Variants in PRKN observed in about 807,000 individuals in gnomAD.
PRKN encodes the protein E3 ubiquitin-protein ligase parkin.
In PRKN, 56 loss-of-function variants were observed where a neutral mutation model predicts 59.5. That is an observed-to-expected ratio of 0.94 (90% confidence interval 0.76 to 1.18). The LOEUF (loss-of-function observed/expected upper bound fraction) is 1.18. PRKN is among the 50% of genes most tolerant of loss of function. The probability of loss-of-function intolerance (pLI) is 0.00; values close to 1 mark genes in which losing one functional copy is unlikely to be tolerated. For missense variants in PRKN, 657 were observed against 596.4 expected (o/e 1.10, Z -1.06); for synonymous variants, 250 against 222.1 (o/e 1.13, Z -1.12).
intron 6 of PRKN, among the ~76,000 whole-genome samples, chr6:161,842,205 A>G (rs933166928): frequency 2.2e-4 from 34 of 152,166 alleles, no homozygotes; most frequent in African/African-American, 7.0e-4. Context: ...CAAATTAAAA[A>G]TAAGAGCCAT....
At chr6:161,587,758 C>T in intron 7 of PRKN, among the ~76,000 whole-genome samples, 1 of 152,226 alleles carries the variant, frequency 6.6e-6, no homozygotes, top group South Asian at 2.1e-4. Flanking sequence ...AAGCAATATA[C>T]ACCGAACCCA....
chr6:161,593,058 G>A lies in PRKN; in HGVS notation c.872-23642C>T, dbSNP rs1230122271. On this transcript the variant is annotated intron_variant, in intron 7 of 11. Coordinates refer to ENST00000366898, the MANE Select transcript of PRKN (RefSeq NM_004562.3). The surrounding 1 kb of genome is among the most constrained non-coding windows in gnomAD (Gnocchi z 4.8). ...GACTGCACAGAGCGTCCTCAGATGCGCTGCACCCCACGTCCGCTGCTGTTA... is the reference window on the plus strand; with the variant it reads ...GACTGCACAGAGCGTCCTCAGATGCACTGCACCCCACGTCCGCTGCTGTTA... 3.9e-5 allele frequency among the ~76,000 whole-genome samples: 6 copies of A among 152,164 alleles called. No homozygotes were observed. The highest frequency in any genetic ancestry group is 5.9e-5 in the Non-Finnish European group (4 of 68,032).
chr6:162,567,365 A>G (rs1780127333), intron 1 of PRKN, among the ~76,000 whole-genome samples: 1 of 152,222 alleles, frequency 6.6e-6, no homozygotes, highest in African/African-American at 2.4e-5. Flanking sequence ...TTATATTTGG[A>G]AAAACCTTAA....
In PRKN at chr6:161,759,961, C is replaced by T. The variant is rs142169675; in HGVS notation, c.871+25811G>A. 4.7e-3 allele frequency among the ~76,000 whole-genome samples: 714 copies of T among 151,918 alleles called. 8 individuals carry two copies. The highest frequency in any genetic ancestry group is 0.016 in the African/African-American group (647 of 41,408). On this transcript the variant is annotated intron_variant, in intron 7 of 11. Transcript: ENST00000366898. ...GAAGGATGTTTATACTTTCAGTGAACGAGGCATAGCAGCCTAAATGCAACC... is the reference window on the plus strand; with the variant it reads ...GAAGGATGTTTATACTTTCAGTGAATGAGGCATAGCAGCCTAAATGCAACC...
At chr6:162,428,283 C>T (rs1359702220) in intron 2 of PRKN, among the ~76,000 whole-genome samples, 1 of 152,144 alleles carries the variant, frequency 6.6e-6, no homozygotes, top group East Asian at 1.9e-4. Flanking sequence ...CTACATCTAA[C>T]CTCATCTTGA....
intron 4 of PRKN, among the ~76,000 whole-genome samples, chr6:162,065,692 G>A (rs1778308198): frequency 6.6e-6 from 1 of 151,996 alleles, no homozygotes; most frequent in South Asian, 2.1e-4. Context: ...TTTACATCAG[G>A]TATTTCTCCT....
chr6:162,072,850 G>C (rs1778638909), intron 4 of PRKN, among the ~76,000 whole-genome samples: 1 of 152,176 alleles, frequency 6.6e-6, no homozygotes, highest in African/African-American at 2.4e-5. Context: ...AGATAAAGTA[G>C]TTAGCAAAAT....
chr6:162,319,262 C>T (rs145034735), intron 2 of PRKN, among the ~76,000 whole-genome samples: 1,548 of 151,638 alleles, frequency 0.01, 15 homozygotes, highest in Admixed American at 0.041. Flanking sequence ...TGGTACTTCT[C>T]TTCATCAAAG....
chr6:161,872,500 C>A (rs937844630), intron 6 of PRKN, among the ~76,000 whole-genome samples: 1 of 152,122 alleles, frequency 6.6e-6, no homozygotes. Flanking sequence ...TACCTCATAG[C>A]CAGCATCAGG....
chr6:162,448,931 A>T, intron 1 of PRKN, among the ~76,000 whole-genome samples: 1 of 137,968 alleles, frequency 7.2e-6, no homozygotes, highest in East Asian at 2.1e-4. Context: ...TCTGTCTCCC[A>T]CTATAGAGTG....
intron 1 of PRKN, among the ~76,000 whole-genome samples, chr6:162,671,586 G>A (rs1015332404): frequency 2.7e-5 from 4 of 150,734 alleles, no homozygotes; most frequent in African/African-American, 9.8e-5. Flanking sequence ...AAGAGAAAAA[G>A]CAAGTACTTT....
At chr6:161,436,685 G>A (rs1006513257) in intron 9 of PRKN, among the ~76,000 whole-genome samples, 2 of 151,964 alleles carry the variant, frequency 1.3e-5, no homozygotes, top group African/African-American at 4.8e-5. Context: ...CATCCCTTCC[G>A]GGGGATGACT....
chr6:162,576,487 G>C (rs956053133), intron 1 of PRKN, among the ~76,000 whole-genome samples: 63 of 152,230 alleles, frequency 4.1e-4, no homozygotes, highest in Non-Finnish European at 7.5e-4. Flanking sequence ...AATCTCACAG[G>C]CTTTCCTAAA....
intron 4 of PRKN, among the ~76,000 whole-genome samples, chr6:162,158,373 T>C (rs1782610675): frequency 6.6e-6 from 1 of 151,518 alleles, no homozygotes; most frequent in Admixed American, 6.6e-5. Context: ...GCTACTTATC[T>C]TGTAGAGTGT....
chr6:162,091,627 T>C (rs906819932), intron 4 of PRKN, among the ~76,000 whole-genome samples: 7 of 152,204 alleles, frequency 4.6e-5, no homozygotes, highest in Admixed American at 4.6e-4. Flanking sequence ...TTTCTAAAAG[T>C]ATACAGGGCA....
intron 1 of PRKN, among the ~76,000 whole-genome samples, chr6:162,592,863 A>G (rs1045118184): frequency 1.5e-5 from 2 of 137,268 alleles, no homozygotes; most frequent in Admixed American, 1.5e-4. Context: ...ACAAGCTGTA[A>G]AAGGATGAAA....
At chr6:161,897,794 C>G (rs9347556) in intron 6 of PRKN, among the ~76,000 whole-genome samples, 1 of 141,484 alleles carries the variant, frequency 7.1e-6, no homozygotes, top group Non-Finnish European at 1.5e-5. Context: ...AAGGTGAAAC[C>G]CCGTCTCTAC....
rs1785801901 is a variant in PRKN, at chr6:161,378,112, G to A, written c.1167+8682C>T. On this transcript the variant is annotated intron_variant, in intron 10 of 11. Transcript: ENST00000366898. The surrounding 1 kb of genome is among the most constrained non-coding windows in gnomAD (Gnocchi z 7.3). Reference sequence around the variant, plus strand: ...GGACAGAGAAAATCTGGAAGACTGAGGACAGGTAAGACAAGGAGCTCTGCA... The same window carrying A: ...GGACAGAGAAAATCTGGAAGACTGAAGACAGGTAAGACAAGGAGCTCTGCA... 6.6e-6 allele frequency among the ~76,000 whole-genome samples: 1 copy of A among 152,180 alleles called. No homozygotes were observed. The highest frequency in any genetic ancestry group is 1.5e-5 in the Non-Finnish European group (1 of 68,028).
chr6:162,163,990 A>T (rs1391208199), intron 4 of PRKN, among the ~76,000 whole-genome samples: 1 of 148,780 alleles, frequency 6.7e-6, no homozygotes, highest in African/African-American at 2.5e-5. Flanking sequence ...CTAAGATGAA[A>T]ATGAGGGCGG....
Sources: gnomAD v4.1 joint callset for allele counts (sites outside exome capture counted in the v4.1 genomes callset) on GRCh38, gnomAD v4.1.1 for gene constraint, Gnocchi (gnomAD v3.1) non-coding constraint, MANE v1.5 for transcripts, NCBI Gene and HGNC (gene_info 2026-07-23, HGNC 2026-07-21) for gene names.